Variants in ARHGAP23 observed in about 807,000 individuals in gnomAD.
ARHGAP23 encodes rho GTPase-activating protein 23.
ARHGAP23 carries 34 observed loss-of-function variants against 136.3 expected under a neutral mutation model. That is an observed-to-expected ratio of 0.25 (90% CI 0.19 to 0.33). The LOEUF (loss-of-function observed/expected upper bound fraction) is 0.33, where lower values mean the gene tolerates loss of function less well. ARHGAP23 is among the 10% of genes least tolerant of loss of function. ARHGAP23 has a pLI of 1.00. For synonymous variants in ARHGAP23, 832 were observed against 920.5 expected (o/e 0.90, Z 1.74); for missense variants, 1,808 against 2,139.0 (o/e 0.85, Z 3.05).
At chr17:38,509,915 C>A in intron 23 of ARHGAP23, 29 bp from the exon 24 acceptor site, 1 of 1,244,822 alleles carries the variant, frequency 8.0e-7, no homozygotes, top group Non-Finnish European at 1.0e-6. Context: ...TCCGGGCGCC[C>A]CCCGCATCCT....
chr17:38,434,466 G>A (rs1361188124), intron 1 of ARHGAP23, among the ~76,000 whole-genome samples: 1 of 152,226 alleles, frequency 6.6e-6, no homozygotes, highest in African/African-American at 2.4e-5. Context: ...TGAATCCCTG[G>A]GAGGAGAGAC....
In ARHGAP23 at chr17:38,469,081, G is replaced by A. The variant is rs2039680221; in HGVS notation, c.1649-63G>A. ...AGTGGCACGGGGGCTGGCAAGGCTA[G>A]GGTGGAGGCAGGCAGGCTCCGCTGT... On this transcript the variant is annotated intron_variant, in intron 7 of 23. Transcript: ENST00000622683. The A allele has an allele frequency of 2.0e-6, 3 of 1,488,008 alleles. No individual in the cohort carries two copies. In the African/African-American group the frequency reaches 4.2e-5, roughly 21 times the overall value. 92.2% of individuals were successfully genotyped at this position (1,488,008 alleles called of 1,614,324 possible). A position where few individuals can be genotyped will look rare whatever the true frequency, so the allele number is the denominator to read the frequency against.
chr17:38,452,545 T>C (rs1458827662), intron 1 of ARHGAP23: 1 of 152,120 alleles, frequency 6.6e-6, no homozygotes, highest in Non-Finnish European at 1.5e-5. Context: ...AGGATAGAAG[T>C]TGGGATGAGA....
intron 15 of ARHGAP23, 43 bp downstream of exon 15, chr17:38,482,186 A>G (rs2040060546): frequency 1.3e-6 from 2 of 1,538,264 alleles, no homozygotes; most frequent in Non-Finnish European, 8.7e-7. Context: ...GCAGGGGGAG[A>G]CCGAGGCACA....
At chr17:38,437,622 AC>A (rs5820258) in intron 1 of ARHGAP23, among the ~76,000 whole-genome samples, 47,750 of 147,576 alleles carry the variant, frequency 0.32, 8,133 homozygotes, top group African/African-American at 0.47. Flanking sequence ...ACCCACCCCT[AC>A]CCCCCCCAAA....
intron 23 of ARHGAP23, among the ~76,000 whole-genome samples, chr17:38,503,413 G>A (rs1597850637): frequency 6.6e-6 from 1 of 152,218 alleles, no homozygotes; most frequent in Non-Finnish European, 1.5e-5. Context: ...TGAAGGGGCC[G>A]AGAAGCATCA....
intron 15 of ARHGAP23, 73 bp downstream of exon 15, chr17:38,482,216 G>T (rs926637007): frequency 2.6e-6 from 4 of 1,523,582 alleles, no homozygotes; most frequent in Non-Finnish European, 3.5e-6. Context: ...AGCAGCAAGG[G>T]ACATGGAACC....
upstream of ARHGAP23, among the ~76,000 whole-genome samples, chr17:38,425,254 G>C: frequency 6.6e-6 from 1 of 151,994 alleles, no homozygotes; most frequent in East Asian, 1.9e-4. Context: ...CCACGATGCC[G>C]ATGCCGGAGC....
chr17:38,466,898 G>C lies in ARHGAP23; in HGVS notation c.1215G>C (p.Pro405=). 6.5e-7 allele frequency: 1 copy of C among 1,550,272 alleles called. No homozygotes were observed. Among genetic ancestry groups the C allele is most frequent in the Non-Finnish European group, 8.7e-7 (1 of 1,146,894 alleles). ...TGCCAGGGCCCCAGGCCCCACCCCC[G>C]TCTGGCCTGCAGGGCCTGGATGACC... ...RDLPGPQAPP[P]SGLQGLDDLG... Residue 405 remains proline (P), a synonymous_variant, in exon 7 of 24, where the codon CCG becomes CCC. Coordinates refer to ENST00000622683, the MANE Select transcript of ARHGAP23 (RefSeq NM_001199417.2).
chr17:38,499,102 A>C, intron 22 of ARHGAP23: 1 of 640,476 alleles, frequency 1.6e-6, no homozygotes, highest in South Asian at 1.8e-5. Context: ...CACTTACCCC[A>C]GCAGTCCATG....
At chr17:38,491,279 C>A in intron 19 of ARHGAP23, 128 bp from the exon 20 acceptor site, 2 of 1,265,872 alleles carry the variant, frequency 1.6e-6, no homozygotes, top group East Asian at 2.5e-5. Flanking sequence ...CATGCCCATA[C>A]AAGGGGGTGT....
chr17:38,458,139 G>T lies in ARHGAP23; in HGVS notation c.101G>T (p.Arg34Leu), dbSNP rs1431792561. 6.5e-7 allele frequency: 1 copy of T among 1,536,106 alleles called. No homozygotes were observed. The highest frequency in any genetic ancestry group is 8.7e-7 in the Non-Finnish European group (1 of 1,146,894). The change falls in exon 2 of 24, where the codon CGC becomes CTC. Residue 34 changes from arginine to leucine, a missense_variant. Around this residue, in one of 7 missense-constraint regions of ARHGAP23, gnomAD observed 859 missense variants for 936.4 expected, o/e 0.92. Transcript: ENST00000622683. The stretch of plus-strand genomic sequence containing the variant: ...CCAAGAGATGGGTGCTCTCCTAGGC[G>T]CCCCTTCCCCTGGCAGGGGCCGAGG... ...LGPRDGCSPRRPFPWQGPRTL... is the reference protein window; with the variant it reads ...LGPRDGCSPRLPFPWQGPRTL...
intron 23 of ARHGAP23, among the ~76,000 whole-genome samples, chr17:38,501,970 G>A (rs2040531797): frequency 6.6e-6 from 1 of 151,504 alleles, no homozygotes; most frequent in South Asian, 2.1e-4. Flanking sequence ...TATTTAAATA[G>A]TTATTTAAGA....
At chr17:38,446,780 A>G (rs918647123) in intron 1 of ARHGAP23, among the ~76,000 whole-genome samples, 2 of 151,870 alleles carry the variant, frequency 1.3e-5, no homozygotes, top group Non-Finnish European at 2.9e-5. Flanking sequence ...TGATTTCCAT[A>G]GCAACTCCAC....
At chr17:38,492,955 G>A (rs1033379974) in intron 20 of ARHGAP23, among the ~76,000 whole-genome samples, 151 of 152,204 alleles carry the variant, frequency 9.9e-4, no homozygotes, top group African/African-American at 3.6e-3. Flanking sequence ...GGAAGCCCAA[G>A]GTCTGAGGTC....
chr17:38,509,965 G>C lies in ARHGAP23; in HGVS notation c.3469G>C (p.Glu1157Gln). The change falls in exon 24 of 24, where the codon GAG (glutamate) becomes CAG (glutamine). Residue 1157 changes from glutamate (E) to glutamine (Q), a missense_variant. Transcript: ENST00000622683. Reference sequence around the variant, plus strand: ...ACAGGGTTCGTGGGCCCCCAAGAAGGAGCCGTACGCCCGGGAGATGCTGGC... The same window carrying C: ...ACAGGGTTCGTGGGCCCCCAAGAAGCAGCCGTACGCCCGGGAGATGCTGGC... Reference protein sequence around the residue: ...KSKGSWAPKKEPYAREMLAIS... With the variant: ...KSKGSWAPKKQPYAREMLAIS... The C allele has an allele frequency of 1.6e-6, 2 of 1,251,006 alleles. No homozygotes were observed. The highest frequency in any genetic ancestry group is 2.0e-6 in the Non-Finnish European group (2 of 992,310). The allele number at this position is 1,251,006 out of a possible 1,614,324, so 77.5% of individuals were successfully genotyped here.
In ARHGAP23 at chr17:38,490,083, A is replaced by G. The variant is rs999429456; in HGVS notation, c.2987-19A>G. On this transcript the variant is annotated intron_variant, in intron 17 of 23. Transcript: ENST00000622683. Reference sequence around the variant, plus strand: ...AGGCGCTGCCCCCACCTCTCTAAAGAGTCTCCGCTGTGTTCTAGACAAATA... The same window carrying G: ...AGGCGCTGCCCCCACCTCTCTAAAGGGTCTCCGCTGTGTTCTAGACAAATA... 1.1e-5 allele frequency: 17 copies of G among 1,551,104 alleles called. No homozygotes were observed. In the African/African-American group the frequency reaches 2.2e-4, roughly 20 times the overall value.
chr17:38,453,422 CGTGTGTGT>C (rs1161809844), intron 1 of ARHGAP23, among the ~76,000 whole-genome samples: 3,519 of 116,612 alleles, frequency 0.03, 65 homozygotes, highest in African/African-American at 0.059. Flanking sequence ...CGTATGCGTG[CGTGTGTGT>C]GTGTGTGTGT....
intron 17 of ARHGAP23, among the ~76,000 whole-genome samples, chr17:38,486,457 A>T (rs1276187284): frequency 4.1e-5 from 6 of 145,606 alleles, no homozygotes; most frequent in Non-Finnish European, 9.0e-5. Flanking sequence ...CTGGTGTTGC[A>T]CTCCTGGGCT....
Sources: allele counts gnomAD v4.1 joint callset (sites outside exome capture counted in the v4.1 genomes callset), GRCh38; gene constraint gnomAD v4.1.1; regional missense constraint gnomAD v4.1.1; transcripts MANE v1.5; gene names NCBI Gene and HGNC (gene_info 2026-07-23, HGNC 2026-07-21).